Variants in LMTK3 observed in about 807,000 individuals in gnomAD.
The protein encoded by LMTK3 is lemur tail kinase 3, also known as serine/threonine-protein kinase LMTK3.
A neutral mutation model predicts 116.7 loss-of-function variants in LMTK3; 27 were observed. That is an observed-to-expected ratio of 0.23 (90% CI 0.17 to 0.32). LMTK3 has a LOEUF of 0.32. Ranked by LOEUF, LMTK3 falls within the 10% of genes least tolerant of loss-of-function variation. LMTK3 has a pLI of 1.00. For missense variants in LMTK3, 1,764 were observed against 2,068.5 expected (o/e 0.85, Z 2.86); for synonymous variants, 965 against 971.0 (o/e 0.99, Z 0.11).
At position 48,485,544 on chromosome 19, in the gene LMTK3, T is replaced by G; in HGVS notation, c.*229A>C. On this transcript the variant is annotated 3_prime_UTR_variant, in exon 15 of 15. Transcript: ENST00000600059. ...AGGGGCGGGGGGATTCCTGCCTCAT[T>G]TGGCTCCGAGGGGGTCAGGGGGGTC... 2 of 501,144 alleles carry G rather than the reference T, an allele frequency of 4.0e-6. No individual in the cohort carries two copies. The highest frequency in any genetic ancestry group is 6.9e-6 in the Non-Finnish European group (2 of 288,674). The allele number at this position is 501,144 out of a possible 1,614,324, so 31.0% of individuals were successfully genotyped here. A position where few individuals can be genotyped will look rare whatever the true frequency, so the allele number is the denominator to read the frequency against.
rs890612980 is a variant in LMTK3, at chr19:48,497,276, T to C, written c.3676+117A>G. On this transcript the variant is annotated intron_variant, in intron 11 of 14. Transcript: ENST00000600059. This position sits in a 1 kb window ranked among gnomAD's most constrained non-coding sequence, Gnocchi z 5.7. ...CGATGTGAGCCCAGGTGGTGCAGGC[T>C]TCAGGACCTGCATTCATCACTGCCA... is the stretch of plus-strand genomic sequence containing the variant. 43 of 1,150,470 alleles carry C rather than the reference T, an allele frequency of 3.7e-5. No individual in the cohort carries two copies. The East Asian group carries it at 1.3e-3, about 35-fold the overall frequency. The allele number at this position is 1,150,470 out of a possible 1,614,324, so 71.3% of individuals were successfully genotyped here.
chr19:48,491,311 G>GC lies in LMTK3; in HGVS notation c.4229-67dup. 1 of 1,067,874 alleles carries GC rather than the reference G, an allele frequency of 9.4e-7. No individual in the cohort carries two copies. The highest frequency in any genetic ancestry group is 1.2e-6 in the Non-Finnish European group (1 of 804,708). 66.1% of individuals were successfully genotyped at this position (1,067,874 alleles called of 1,614,324 possible). On this transcript the variant is annotated intron_variant, in intron 13 of 14. Coordinates refer to ENST00000600059, the MANE Select transcript of LMTK3 (RefSeq NM_001388485.1). The surrounding 1 kb of genome is among the most constrained non-coding windows in gnomAD (Gnocchi z 5.1). ...TGCGGCACTCCCGCCCTCTGGTCCC[G>GC]CCCCTCCCGACCAAGCCCCTCCCAC...
Position 48,494,066 on chromosome 19 carries a change from G to A in LMTK3, c.3720C>T (p.Leu1240=). 8.4e-7 allele frequency: 1 copy of A among 1,195,994 alleles called. No individual in the cohort carries two copies. The highest frequency in any genetic ancestry group is 1.0e-6 in the Non-Finnish European group (1 of 963,868). 74.1% of individuals were successfully genotyped at this position (1,195,994 alleles called of 1,614,324 possible). A position where few individuals can be genotyped will look rare whatever the true frequency, so the allele number is the denominator to read the frequency against. Reference sequence around the variant, plus strand: ...GCGGGCCCGGCCCCGGGAATGGCGTGAGCGTGAGCGGCGGCAGCGCCAGCG... The same window carrying A: ...GCGGGCCCGGCCCCGGGAATGGCGTAAGCGTGAGCGGCGGCAGCGCCAGCG... ...RLSLALPPLT[L]TPFPGPGPRR... is the part of the protein sequence containing the mutation. Residue 1240 remains leucine, a synonymous_variant, in exon 12 of 15, where the codon CTC becomes CTT. Coordinates refer to ENST00000600059, the MANE Select transcript of LMTK3 (RefSeq NM_001388485.1). This position sits in a 1 kb window ranked among gnomAD's most constrained non-coding sequence, Gnocchi z 4.0.
Position 48,493,925 on chromosome 19 carries a change from CTCCTCCTCG to C in LMTK3, c.3852_3860del (p.Asp1284_Glu1286del). The C allele has an allele frequency of 9.8e-7, 1 of 1,023,820 alleles. No individual in the cohort carries two copies. Among genetic ancestry groups the C allele is most frequent in the Non-Finnish European group, 1.2e-6 (1 of 857,384 alleles). The allele number at this position is 1,023,820 out of a possible 1,614,324, so 63.4% of individuals were successfully genotyped here. A position where few individuals can be genotyped will look rare whatever the true frequency, so the allele number is the denominator to read the frequency against. ...CGCCCGGCGCCGCCGCCTCCTCGTC[CTCCTCCTCG>C]TCCTCGTCCTCGTCCTCCCCGTCCT... On this transcript the variant is annotated inframe_deletion, in exon 12 of 15. Transcript: ENST00000600059.
Position 48,485,867 on chromosome 19 carries a change from A to G in LMTK3, c.4367-78T>C. 3.5e-6 allele frequency: 5 copies of G among 1,444,476 alleles called. No individual in the cohort carries two copies. In the East Asian group the frequency reaches 7.2e-5, roughly 21 times the overall value. 89.5% of individuals were successfully genotyped at this position (1,444,476 alleles called of 1,614,324 possible). The stretch of plus-strand genomic sequence containing the variant: ...ATGGCTTCTAGGTCACTCAGCGGAA[A>G]AGCAAAGCCCTCACCCACCATGGCC... On this transcript the variant is annotated intron_variant, in intron 14 of 14. Coordinates refer to ENST00000600059, the MANE Select transcript of LMTK3 (RefSeq NM_001388485.1).
chr19:48,487,031 A>ATT (rs34242861), intron 14 of LMTK3, among the ~76,000 whole-genome samples: 2,955 of 118,328 alleles, frequency 0.025, 109 homozygotes, highest in African/African-American at 0.082. Context: ...ACACCCGGCT[A>ATT]TTTTTTTTTT....
rs2073501085 is a variant in LMTK3, at chr19:48,499,512, G to C, written c.1557C>G (p.Ser519=). 5 of 1,483,540 alleles carry C rather than the reference G, an allele frequency of 3.4e-6. No individual in the cohort carries two copies. The highest frequency in any genetic ancestry group is 4.5e-6 in the Non-Finnish European group (5 of 1,117,902). 91.9% of individuals were successfully genotyped at this position (1,483,540 alleles called of 1,614,324 possible). ...TGATGACAGGCAGCACGCTGGGCGTGGACAGCGCCTCGTAGAAAGGGTTGG... is the reference window on the plus strand; with the variant it reads ...TGATGACAGGCAGCACGCTGGGCGTCGACAGCGCCTCGTAGAAAGGGTTGG... The part of the protein sequence containing the change: ...NPSNPFYEAL[S]TPSVLPVISA... The change falls in exon 11 of 15, where the codon TCC becomes TCG. Residue 519 remains serine (S), a synonymous_variant. Coordinates refer to ENST00000600059, the MANE Select transcript of LMTK3 (RefSeq NM_001388485.1).
chr19:48,499,677 A>G lies in LMTK3; in HGVS notation c.1392T>C (p.Asp464=). The stretch of plus-strand genomic sequence containing the variant: ...GGCTACTCTCGGTGACCGTGAGCAC[A>G]TCGTCGGGGTCGGCTCCAGGGAAGC... The part of the protein sequence containing the change: ...LDGFPGADPD[D]VLTVTESSRG... Residue 464 remains aspartate, a synonymous_variant, in exon 11 of 15, where the codon GAT becomes GAC. Coordinates refer to ENST00000600059, the MANE Select transcript of LMTK3 (RefSeq NM_001388485.1). 1 of 1,532,084 alleles carries G rather than the reference A, an allele frequency of 6.5e-7. No homozygotes were observed. Among genetic ancestry groups the G allele is most frequent in the South Asian group, 1.2e-5 (1 of 83,176 alleles). The allele number at this position is 1,532,084 out of a possible 1,614,324, so 94.9% of individuals were successfully genotyped here.
At chr19:48,492,684 T>C (rs914352961) in intron 12 of LMTK3, among the ~76,000 whole-genome samples, 2 of 152,050 alleles carry the variant, frequency 1.3e-5, no homozygotes, top group Non-Finnish European at 2.9e-5. Flanking sequence ...ACTAGAACTC[T>C]AGTCAACAAA....
chr19:48,493,889 CCCCGCCGCCGCG>C lies in LMTK3; in HGVS notation c.3885_3896del (p.Ala1296_Gly1299del), dbSNP rs1320736332. The C allele has an allele frequency of 1.5e-5, 16 of 1,070,018 alleles. 1 individual carries two copies. The African/African-American group carries it at 1.5e-4, about 10-fold the overall frequency. The allele number at this position is 1,070,018 out of a possible 1,614,324, so 66.3% of individuals were successfully genotyped here. ...CTCGCGCCCTCCCGGGGCCCCGCGG[CCCCGCCGCCGCG>C]CCCGGCGCCGCCGCCTCCTCGTCCT... is the stretch of plus-strand genomic sequence containing the variant. On this transcript the variant is annotated inframe_deletion, in exon 12 of 15. Transcript: ENST00000600059.
At chr19:48,486,115 A>T (rs953178803) in intron 14 of LMTK3, among the ~76,000 whole-genome samples, 7 of 113,150 alleles carry the variant, frequency 6.2e-5, no homozygotes, top group Admixed American at 3.8e-4. Context: ...GCTGGAGTGC[A>T]GTGGCGCGAT....
At chr19:48,493,204 T>C (rs1972256105) in intron 12 of LMTK3, among the ~76,000 whole-genome samples, 1 of 142,078 alleles carries the variant, frequency 7.0e-6, no homozygotes, top group African/African-American at 2.6e-5. Flanking sequence ...GCCCCCGCTC[T>C]AGGCTCAGCC....
Position 48,501,056 on chromosome 19 carries a change from A to G in LMTK3, c.1091T>C (p.Val364Ala). 1 of 1,557,480 alleles carries G rather than the reference A, an allele frequency of 6.4e-7. No homozygotes were observed. Among genetic ancestry groups the G allele is most frequent in the Non-Finnish European group, 8.7e-7 (1 of 1,152,980 alleles). ...LSDEEVLAFV[V>A]RQQHVKLARP... Reference sequence around the variant, plus strand: ...GGCCAGCTTCACATGCTGCTGGCGGACCACGAAGGCGAGGACCTCCTCGTC... The same window carrying G: ...GGCCAGCTTCACATGCTGCTGGCGGGCCACGAAGGCGAGGACCTCCTCGTC... Residue 364 changes from valine (V) to alanine (A), a missense_variant, in exon 10 of 15, where the codon GTC becomes GCC. Physicochemically the swap from Val to Ala is moderately conservative, Grantham distance 64. Transcript: ENST00000600059.
In LMTK3 at chr19:48,499,007, C is replaced by G; in HGVS notation, c.2062G>C (p.Ala688Pro). The G allele has an allele frequency of 1.4e-6, 2 of 1,419,940 alleles. No homozygotes were observed. Among genetic ancestry groups the G allele is most frequent in the Non-Finnish European group, 1.8e-6 (2 of 1,085,346 alleles). The allele number at this position is 1,419,940 out of a possible 1,614,324, so 88.0% of individuals were successfully genotyped here. ...CSCLPLERGDAVAGWGGHPAL... is the reference protein window; with the variant it reads ...CSCLPLERGDPVAGWGGHPAL... The stretch of plus-strand genomic sequence containing the variant: ...GGGTGGCCTCCCCAGCCTGCTACGG[C>G]GTCCCCCCGCTCCAGTGGCAGGCAG... The change falls in exon 11 of 15, where the codon GCC (alanine) becomes CCC (proline). Residue 688 changes from alanine (A) to proline (P), a missense_variant. Transcript: ENST00000600059.
At chr19:48,513,318 A>G (rs895965483), upstream of LMTK3, 1 of 725,676 alleles carries the variant, frequency 1.4e-6, no homozygotes, top group Non-Finnish European at 2.4e-6. The surrounding 1 kb of genome is among the most constrained non-coding windows in gnomAD (Gnocchi z 5.6). Context: ...GCCCTCTGAG[A>G]CAGGTATTTT....
In LMTK3 at chr19:48,494,180, G is replaced by T; in HGVS notation, c.3677-71C>A. ...GGCAGGCCCTCCCACCTAGCTGTGTGGCCTCAGATAAGACCCCCGCACAAT... is the reference window on the plus strand; with the variant it reads ...GGCAGGCCCTCCCACCTAGCTGTGTTGCCTCAGATAAGACCCCCGCACAAT... On this transcript the variant is annotated intron_variant, in intron 11 of 14. Coordinates refer to ENST00000600059, the MANE Select transcript of LMTK3 (RefSeq NM_001388485.1). This position sits in a 1 kb window ranked among gnomAD's most constrained non-coding sequence, Gnocchi z 4.0. 1.0e-6 allele frequency: 1 copy of T among 968,116 alleles called. No homozygotes were observed. Among genetic ancestry groups the T allele is most frequent in the Non-Finnish European group, 1.3e-6 (1 of 781,224 alleles). 60.0% of individuals were successfully genotyped at this position (968,116 alleles called of 1,614,324 possible).
In LMTK3 at chr19:48,498,281, C is replaced by T; in HGVS notation, c.2788G>A (p.Glu930Lys). Residue 930 changes from glutamate to lysine, a missense_variant, in exon 11 of 15, where the codon GAG becomes AAG. Physicochemically the swap from Glu to Lys is moderately conservative, Grantham distance 56 (BLOSUM62 1). Transcript: ENST00000600059. ...SLPVNGVTVL[E>K]NGDQRAPGIE... Reference sequence around the variant, plus strand: ...CCTGGGGCTCTCTGGTCCCCGTTCTCCAGCACTGTCACCCCGTTCACTGGG... The same window carrying T: ...CCTGGGGCTCTCTGGTCCCCGTTCTTCAGCACTGTCACCCCGTTCACTGGG... 6.2e-7 allele frequency: 1 copy of T among 1,613,490 alleles called. No individual in the cohort carries two copies. The highest frequency in any genetic ancestry group is 1.1e-5 in the South Asian group (1 of 91,062).
chr19:48,502,765 G>T, intron 6 of LMTK3, 144 bp downstream of exon 6: 3 of 852,998 alleles, frequency 3.5e-6, no homozygotes, highest in Non-Finnish European at 5.5e-6. Context: ...CCCCAGGACA[G>T]GCAGCACTCA....
intron 5 of LMTK3, among the ~76,000 whole-genome samples, chr19:48,505,969 C>T (rs141519583): frequency 0.023 from 3,462 of 151,234 alleles, 103 homozygotes; most frequent in African/African-American, 0.072. Context: ...GGTGAAACCC[C>T]GTCTCTACTA....
Sources: gnomAD v4.1 joint callset for allele counts (sites outside exome capture counted in the v4.1 genomes callset) on GRCh38, gnomAD v4.1.1 for gene constraint, Gnocchi (gnomAD v3.1) non-coding constraint, MANE v1.5 for transcripts, NCBI Gene and HGNC (gene_info 2026-07-23, HGNC 2026-07-21) for gene names.